Variants in SLF2 observed in about 807,000 individuals in gnomAD.
The protein encoded by SLF2 is SMC5-SMC6 complex localization factor protein 2.
A neutral mutation model predicts 124.3 loss-of-function variants in SLF2; 68 were observed. That is an observed-to-expected ratio of 0.55 (90% confidence interval 0.45 to 0.67). SLF2 has a LOEUF of 0.67. SLF2 is among the 30% of genes least tolerant of loss of function. SLF2 has a pLI of 0.00. For missense variants in SLF2, 1,246 were observed against 1,373.7 expected, an observed-to-expected ratio of 0.91 and a Z score of 1.47; for synonymous variants, 480 against 478.8, an observed-to-expected ratio of 1.00 and a Z score of -0.03.
In SLF2 at chr10:100,912,967, C is replaced by G. The variant is rs1194955050; in HGVS notation, c.-144C>G. ...CTTCCCGCTCACGCCGGAGTCACTT[C>G]CGAAGAGAGAACCGCCATGAAGAGA... On this transcript the variant is annotated 5_prime_UTR_variant, in exon 1 of 20. Coordinates refer to ENST00000238961, the MANE Select transcript of SLF2 (RefSeq NM_018121.4). 3.5e-6 allele frequency: 3 copies of G among 847,008 alleles called. No homozygotes were observed. Among genetic ancestry groups the G allele is most frequent in the Non-Finnish European group, 5.4e-6 (3 of 560,626 alleles). 52.5% of individuals were successfully genotyped at this position (847,008 alleles called of 1,614,324 possible). A position where few individuals can be genotyped will look rare whatever the true frequency, so the allele number is the denominator to read the frequency against.
Position 100,924,252 on chromosome 10 carries a change from C to A in SLF2, c.1251C>A (p.His417Gln). ...LAPSNSGNSG[H>Q]HSTRNSDQIQ... ...CTTCAAATTCTGGCAATTCTGGCCA[C>A]CATTCTACCAGGAATAGTGACCAAA... The change falls in exon 5 of 20, where the codon CAC becomes CAA. Residue 417 changes from histidine (H) to glutamine (Q), a missense_variant. By Grantham distance (24) the His-to-Gln change is conservative. Around this residue, in one of 3 missense-constraint regions of SLF2, gnomAD observed 698 missense variants for 708.9 expected, o/e 0.98. Coordinates refer to ENST00000238961, the MANE Select transcript of SLF2 (RefSeq NM_018121.4). The A allele has an allele frequency of 6.2e-7, 1 of 1,614,118 alleles. No individual in the cohort carries two copies. The highest frequency in any genetic ancestry group is 8.5e-7 in the Non-Finnish European group (1 of 1,180,022).
rs1252720928 is a variant in SLF2, at chr10:100,962,765, A to G, written c.*853A>G. On this transcript the variant is annotated 3_prime_UTR_variant, in exon 20 of 20. Coordinates refer to ENST00000238961, the MANE Select transcript of SLF2 (RefSeq NM_018121.4). Reference sequence around the variant, plus strand: ...TTGTAAAAGCCTAAAGATCTGGACAAGTTTCCAACAACCTTGTTTCCATGA... The same window carrying G: ...TTGTAAAAGCCTAAAGATCTGGACAGGTTTCCAACAACCTTGTTTCCATGA... 3 of 152,564 alleles carry G rather than the reference A, an allele frequency of 2.0e-5. No individual in the cohort carries two copies. Among genetic ancestry groups the G allele is most frequent in the Admixed American group, 6.6e-5 (1 of 15,256 alleles). The allele number at this position is 152,564 out of a possible 1,614,324, so 9.5% of individuals were successfully genotyped here.
In SLF2 at chr10:100,924,700, C is replaced by A; in HGVS notation, c.1699C>A (p.Pro567Thr). ...PAALEVVPCI[P>T]SPAAPSDKAP... The stretch of plus-strand genomic sequence containing the variant: ...TGCTTTGGAAGTTGTGCCATGTATC[C>A]CAAGCCCTGCAGCACCTTCAGATAA... Residue 567 changes from proline to threonine, a missense_variant, in exon 5 of 20, where the codon CCA (proline) becomes ACA (threonine). Transcript: ENST00000238961. 2 of 1,614,094 alleles carry A rather than the reference C, an allele frequency of 1.2e-6. No homozygotes were observed. The highest frequency in any genetic ancestry group is 2.7e-5 in the African/African-American group (2 of 75,020).
chr10:100,959,737 A>C (rs745505641), intron 19 of SLF2: 9 of 607,304 alleles, frequency 1.5e-5, no homozygotes, highest in Non-Finnish European at 2.3e-5. Context: ...CATCAAATGG[A>C]GGTTATTCAA....
At chr10:100,958,896 C>T (rs754063868) in intron 18 of SLF2, among the ~76,000 whole-genome samples, 5 of 152,090 alleles carry the variant, frequency 3.3e-5, no homozygotes, top group Non-Finnish European at 7.4e-5. Flanking sequence ...TAGGAAAATA[C>T]GAGGTATTTA....
chr10:100,955,980 G>A (rs2133829746), intron 17 of SLF2, among the ~76,000 whole-genome samples: 1 of 152,134 alleles, frequency 6.6e-6, no homozygotes, highest in South Asian at 2.1e-4. Context: ...GAGACTGGAG[G>A]AGCACTTGAG....
chr10:100,913,343 C>A, intron 1 of SLF2, 93 bp downstream of exon 1: 1 of 1,382,534 alleles, frequency 7.2e-7, no homozygotes, highest in East Asian at 3.0e-5. Flanking sequence ...TTCCCGCCAT[C>A]CTCCGCGAGC....
Position 100,929,329 on chromosome 10 carries a change from G to T in SLF2, c.2055G>T (p.Leu685=). ...TTCCAATTCTCAGGCTAGATGAACT[G>T]CAGAAGCAACTACAAGAAGACATAA... ...EMEDTQRLDE[L]QKQLQEDIRQ... is the part of the protein sequence containing the mutation. The change falls in exon 7 of 20, where the codon CTG becomes CTT. Residue 685 remains leucine, a synonymous_variant. Transcript: ENST00000238961. 4 of 1,611,446 alleles carry T rather than the reference G, an allele frequency of 2.5e-6. No homozygotes were observed. The highest frequency in any genetic ancestry group is 3.4e-6 in the Non-Finnish European group (4 of 1,178,710).
intron 8 of SLF2, 71 bp from the exon 9 acceptor site, chr10:100,930,905 T>G: frequency 1.8e-6 from 2 of 1,114,454 alleles, no homozygotes; most frequent in Non-Finnish European, 2.7e-6. Context: ...ATGTCAGATG[T>G]GTTGGTGGTG....
chr10:100,934,568 C>T (rs1849807840), intron 9 of SLF2, among the ~76,000 whole-genome samples: 1 of 151,960 alleles, frequency 6.6e-6, no homozygotes, highest in African/African-American at 2.4e-5. Context: ...AAGTAGAGTT[C>T]AGGTTACTCC....
rs376963345 is a variant in SLF2 at position 100,947,092 on chromosome 10, C to T, written c.2988C>T (p.Leu996=). 3 of 1,609,962 alleles carry T rather than the reference C, an allele frequency of 1.9e-6. No individual in the cohort carries two copies. The highest frequency in any genetic ancestry group is 1.1e-5 in the South Asian group (1 of 90,518). Residue 996 remains leucine, a synonymous_variant, in exon 14 of 20, where the codon CTC becomes CTT. Transcript: ENST00000238961. ...AACTCTCCAGTCATCCCCACAACCT[C>T]CTGTGGTTGGTACAGCTGGTCCCTA... is the stretch of plus-strand genomic sequence containing the variant. The part of the protein sequence containing the change: ...INELSSHPHN[L]LWLVQLVPNW...
At chr10:100,923,932 G>A in intron 4 of SLF2, 43 bp from the exon 5 acceptor site, 1 of 1,427,680 alleles carries the variant, frequency 7.0e-7, no homozygotes, top group Non-Finnish European at 9.2e-7. Context: ...TACTAAAGTT[G>A]GAAAGTATAT....
At chr10:100,932,452 T>C (rs988686934) in intron 9 of SLF2, among the ~76,000 whole-genome samples, 1 of 152,156 alleles carries the variant, frequency 6.6e-6, no homozygotes, top group Non-Finnish European at 1.5e-5. Flanking sequence ...AGCTATTATA[T>C]ATAAAGTGAA....
chr10:100,934,393 T>C (rs1048817237), intron 9 of SLF2, among the ~76,000 whole-genome samples: 1 of 152,164 alleles, frequency 6.6e-6, no homozygotes, highest in Admixed American at 6.6e-5. Flanking sequence ...CCGTGGAATT[T>C]TTCACCCACC....
chr10:100,953,657 A>AT (rs1564784946), intron 17 of SLF2, among the ~76,000 whole-genome samples: 1 of 151,000 alleles, frequency 6.6e-6, no homozygotes, highest in African/African-American at 2.4e-5. Flanking sequence ...TTAAAAAAAA[A>AT]TTTTTTTTTC....
intron 4 of SLF2, among the ~76,000 whole-genome samples, chr10:100,919,729 T>C (rs1346584789): frequency 4.6e-5 from 7 of 152,232 alleles, no homozygotes; most frequent in Admixed American, 3.3e-4. Flanking sequence ...GTAAGATACA[T>C]TGGACACGAT....
At position 100,924,943 on chromosome 10, in the gene SLF2, G is replaced by C; in HGVS notation, c.1942G>C (p.Gly648Arg). 1 of 1,613,634 alleles carries C rather than the reference G, an allele frequency of 6.2e-7. No individual in the cohort carries two copies. The highest frequency in any genetic ancestry group is 8.5e-7 in the Non-Finnish European group (1 of 1,179,938). The change falls in exon 5 of 20, where the codon GGG becomes CGG. Residue 648 changes from glycine to arginine, a missense_variant. Gly to Arg is a moderately radical substitution (Grantham distance 125). Around this residue, in one of 3 missense-constraint regions of SLF2, gnomAD observed 535 missense variants for 632.8 expected, o/e 0.85. Transcript: ENST00000238961. ...AGGAAAGCCTCCTGCTCTTTCCAAGGGGCTTAGATCTCAGTCATCAGACTA... is the reference window on the plus strand; with the variant it reads ...AGGAAAGCCTCCTGCTCTTTCCAAGCGGCTTAGATCTCAGTCATCAGACTA... ...ATGKPPALSK[G>R]LRSQSSDYTG...
intron 13 of SLF2, among the ~76,000 whole-genome samples, 165 bp from the exon 14 acceptor site, chr10:100,946,874 T>C (rs1194281925): frequency 2.0e-5 from 3 of 152,268 alleles, no homozygotes; most frequent in African/African-American, 4.8e-5. Flanking sequence ...TGAATCTGTG[T>C]ATTGTGTACA....
intron 9 of SLF2, among the ~76,000 whole-genome samples, chr10:100,931,591 G>T (rs1372684461): frequency 6.6e-6 from 1 of 151,958 alleles, no homozygotes; most frequent in Non-Finnish European, 1.5e-5. Context: ...AACTCAATTG[G>T]TAACTTTTTA....
Sources: gnomAD v4.1 joint callset for allele counts (sites outside exome capture counted in the v4.1 genomes callset) on GRCh38, gnomAD v4.1.1 for gene constraint, gnomAD v4.1.1 regional missense constraint, MANE v1.5 for transcripts, NCBI Gene and HGNC (gene_info 2026-07-23, HGNC 2026-07-21) for gene names.